The following SEMA3E variants were observed in gnomAD, a reference collection of about 807,000 sequenced individuals.
SEMA3E encodes semaphorin 3E, also known as semaphorin-3E.
In SEMA3E, 49 loss-of-function variants were observed where a neutral mutation model predicts 93.6. The observed-to-expected ratio is 0.52, with a 90% CI of 0.42 to 0.66. The LOEUF is 0.66. SEMA3E is among the 30% of genes least tolerant of loss of function. SEMA3E has a pLI of 0.00. For missense variants in SEMA3E, 906 were observed against 964.8 expected, an observed-to-expected ratio of 0.94 and a Z score of 0.81; for synonymous variants, 363 against 330.7, an observed-to-expected ratio of 1.10 and a Z score of -1.06.
intron 16 of SEMA3E, among the ~76,000 whole-genome samples, chr7:83,380,738 A>G (rs563803297): frequency 1.3e-5 from 2 of 152,112 alleles, no homozygotes; most frequent in South Asian, 2.1e-4. Flanking sequence ...ACAAGGCTGT[A>G]AACTTCACAA....
chr7:83,557,075 A>G (rs550574557), intron 1 of SEMA3E, among the ~76,000 whole-genome samples: 15 of 152,330 alleles, frequency 9.8e-5, no homozygotes, highest in Admixed American at 6.5e-5. Context: ...AGCAGCATAA[A>G]CCAATTAAGA....
rs552782200 is a variant in SEMA3E at position 83,365,201 on chromosome 7, A to G, written c.*2385T>C. Reference sequence around the variant, plus strand: ...GAAACTGAGAAAATGGTGGGACATGAAACATATCCTTGGAAACTGCTTTCT... The same window carrying G: ...GAAACTGAGAAAATGGTGGGACATGGAACATATCCTTGGAAACTGCTTTCT... On this transcript the variant is annotated 3_prime_UTR_variant, in exon 17 of 17. Coordinates refer to ENST00000643230, the MANE Select transcript of SEMA3E (RefSeq NM_012431.3). The G allele has an allele frequency of 6.6e-6, 1 of 152,146 alleles. No individual in the cohort carries two copies. The highest frequency in any genetic ancestry group is 2.1e-4 in the South Asian group (1 of 4,802). 9.4% of individuals were successfully genotyped at this position (152,146 alleles called of 1,614,324 possible).
intron 16 of SEMA3E, among the ~76,000 whole-genome samples, chr7:83,378,075 A>G (rs1193563875): frequency 6.6e-6 from 1 of 151,902 alleles, no homozygotes; most frequent in Non-Finnish European, 1.5e-5. Context: ...CTGCTATTAC[A>G]GAAAAAAATG....
intron 1 of SEMA3E, among the ~76,000 whole-genome samples, chr7:83,555,043 C>A (rs188659178): frequency 2.0e-4 from 30 of 147,430 alleles, no homozygotes; most frequent in African/African-American, 7.0e-4. Context: ...GAAACAATTC[C>A]ATTTAATAGA....
At chr7:83,422,417 G>T (rs1247179316) in intron 4 of SEMA3E, among the ~76,000 whole-genome samples, 6 of 152,100 alleles carry the variant, frequency 3.9e-5, no homozygotes, top group African/African-American at 1.2e-4. Context: ...AAAAATTATA[G>T]ATCTGCCCAG....
intron 11 of SEMA3E, 93 bp from the exon 12 acceptor site, chr7:83,396,822 G>T: frequency 1.2e-6 from 1 of 802,014 alleles, no homozygotes; most frequent in Non-Finnish European, 2.1e-6. Context: ...AGTAGCTCAT[G>T]CCTGTAATCA....
At chr7:83,398,744 G>C (rs1788176705) in intron 11 of SEMA3E, among the ~76,000 whole-genome samples, 1 of 152,148 alleles carries the variant, frequency 6.6e-6, no homozygotes, top group East Asian at 1.9e-4. Context: ...AGGAGTTCGA[G>C]ACCAGCCTCA....
chr7:83,578,533 G>A (rs369069282), intron 1 of SEMA3E, among the ~76,000 whole-genome samples: 4 of 152,058 alleles, frequency 2.6e-5, no homozygotes, highest in African/African-American at 4.8e-5. Flanking sequence ...TCCAGCCTAG[G>A]CAACAGAGTG....
At chr7:83,448,918 A>G (rs1181267239) in intron 4 of SEMA3E, among the ~76,000 whole-genome samples, 2 of 152,158 alleles carry the variant, frequency 1.3e-5, no homozygotes, top group Non-Finnish European at 2.9e-5. Context: ...ACTGCCCCTT[A>G]TATCAAGAAT....
At chr7:83,423,542 C>T (rs1387215467) in intron 4 of SEMA3E, among the ~76,000 whole-genome samples, 12 of 144,134 alleles carry the variant, frequency 8.3e-5, no homozygotes, top group Admixed American at 1.4e-4. Flanking sequence ...CTCGCTCTGT[C>T]GCCCAGGCTG....
intron 1 of SEMA3E, among the ~76,000 whole-genome samples, chr7:83,611,576 C>T (rs902339775): frequency 6.6e-6 from 1 of 151,308 alleles, no homozygotes; most frequent in East Asian, 1.9e-4. Context: ...AATCTTCCAG[C>T]TGTTCAGGCC....
intron 5 of SEMA3E, among the ~76,000 whole-genome samples, chr7:83,415,318 A>AAC (rs1788519388): frequency 6.6e-6 from 1 of 152,134 alleles, no homozygotes; most frequent in Admixed American, 6.6e-5. Flanking sequence ...AACTTGGCCA[A>AAC]ACATGCAGAA....
chr7:83,568,992 C>A (rs1321009411), intron 1 of SEMA3E, among the ~76,000 whole-genome samples: 1 of 151,750 alleles, frequency 6.6e-6, no homozygotes, highest in Non-Finnish European at 1.5e-5. Flanking sequence ...TAATATTTCA[C>A]CAAAAAACCT....
intron 1 of SEMA3E, among the ~76,000 whole-genome samples, chr7:83,535,462 T>C (rs1019775775): frequency 2.6e-5 from 4 of 151,930 alleles, no homozygotes; most frequent in African/African-American, 4.8e-5. Context: ...CAAACATTTA[T>C]ACAATCTATC....
chr7:83,568,432 C>T (rs191207429), intron 1 of SEMA3E, among the ~76,000 whole-genome samples: 9 of 152,036 alleles, frequency 5.9e-5, no homozygotes, highest in African/African-American at 1.4e-4. Flanking sequence ...AACAAAAATC[C>T]GTAGGCCAAT....
intron 5 of SEMA3E, among the ~76,000 whole-genome samples, chr7:83,416,716 A>G (rs546804620): frequency 1.3e-5 from 2 of 152,134 alleles, no homozygotes; most frequent in African/African-American, 4.8e-5. Flanking sequence ...ATATGGCACA[A>G]GAAAGATAAG....
intron 1 of SEMA3E, among the ~76,000 whole-genome samples, chr7:83,557,178 G>T (rs1791913973): frequency 6.6e-6 from 1 of 151,906 alleles, no homozygotes; most frequent in African/African-American, 2.4e-5. Context: ...ATTTGAAAAT[G>T]AATATTCTTT....
chr7:83,537,987 T>C (rs1269860123), intron 1 of SEMA3E, among the ~76,000 whole-genome samples: 1 of 152,176 alleles, frequency 6.6e-6, no homozygotes, highest in Non-Finnish European at 1.5e-5. Context: ...ATGTGAACTT[T>C]TATAACTTGT....
chr7:83,564,379 C>A (rs1455236705), intron 1 of SEMA3E, among the ~76,000 whole-genome samples: 1 of 151,766 alleles, frequency 6.6e-6, no homozygotes, highest in Admixed American at 6.6e-5. Context: ...GAGATCATGT[C>A]ATTGCACTCC....
Sources: allele counts gnomAD v4.1 joint callset (sites outside exome capture counted in the v4.1 genomes callset), GRCh38; gene constraint gnomAD v4.1.1; transcripts MANE v1.5; gene names NCBI Gene and HGNC (gene_info 2026-07-23, HGNC 2026-07-21).